The following PTPRT variants were observed in gnomAD, a reference collection of about 807,000 sequenced individuals.
PTPRT encodes the protein protein tyrosine phosphatase receptor type T.
Under a neutral mutation model 176.8 loss-of-function variants are expected in PTPRT, and 56 were observed. That is an observed-to-expected ratio of 0.32 (90% CI 0.26 to 0.40). The LOEUF (loss-of-function observed/expected upper bound fraction) is 0.40, where lower values mean the gene tolerates loss of function less well. Ranked by LOEUF, PTPRT falls within the 10% of genes least tolerant of loss-of-function variation. PTPRT has a pLI of 1.00. For missense variants in PTPRT, 1,540 were observed against 1,908.2 expected, an observed-to-expected ratio of 0.81 and a Z score of 3.60; for synonymous variants, 783 against 739.0, an observed-to-expected ratio of 1.06 and a Z score of -0.96.
intron 15 of PTPRT, among the ~76,000 whole-genome samples, chr20:42,224,384 G>A (rs1019833228): frequency 2.0e-5 from 3 of 152,258 alleles, no homozygotes; most frequent in East Asian, 3.9e-4. Flanking sequence ...TCTAAGGATT[G>A]TCTACCTCAA....
chr20:43,098,454 C>T (rs1232090180), intron 1 of PTPRT, among the ~76,000 whole-genome samples: 1 of 152,134 alleles, frequency 6.6e-6, no homozygotes, highest in African/African-American at 2.4e-5. Flanking sequence ...TTACCCAATC[C>T]CCTAAGAGTG....
At chr20:43,040,965 C>A (rs1426526737) in intron 1 of PTPRT, among the ~76,000 whole-genome samples, 1 of 152,138 alleles carries the variant, frequency 6.6e-6, no homozygotes, top group Non-Finnish European at 1.5e-5. Context: ...TTGTGGCACC[C>A]CGACCAGCAG....
At chr20:42,470,909 A>T (rs2071183097) in intron 8 of PTPRT, among the ~76,000 whole-genome samples, 2 of 147,186 alleles carry the variant, frequency 1.4e-5, no homozygotes, top group African/African-American at 4.9e-5. Flanking sequence ...CATACCCATT[A>T]GAAATGGGGG....
At chr20:42,940,204 G>C (rs191424717) in intron 1 of PTPRT, among the ~76,000 whole-genome samples, 93 of 152,280 alleles carry the variant, frequency 6.1e-4, no homozygotes, top group African/African-American at 2.1e-3. Context: ...ACCTATGGTG[G>C]AGCCAAGATT....
chr20:43,083,351 T>TATATATATATAC lies in PTPRT; in HGVS notation c.88+106294_88+106295insGTATATATATAT, dbSNP rs1555828986. On this transcript the variant is annotated intron_variant, in intron 1 of 30. Coordinates refer to ENST00000373187, the MANE Select transcript of PTPRT (RefSeq NM_007050.6). Reference sequence around the variant, plus strand: ...ATATATATATATATATATATATATATATATATATATATATATATACATTTT... The same window carrying TATATATATATAC: ...ATATATATATATATATATATATATATATATATATATACATATATATATATATATATACATTTT... Among the ~76,000 whole-genome samples, 11 of 114,284 alleles carry TATATATATATAC rather than the reference T, an allele frequency of 9.6e-5. 1 individual carries two copies. Among genetic ancestry groups the TATATATATATAC allele is most frequent in the South Asian group, 6.0e-4 (2 of 3,356 alleles). 75.0% of individuals were successfully genotyped at this position (114,284 alleles called of 152,430 possible).
intron 1 of PTPRT, among the ~76,000 whole-genome samples, chr20:43,142,491 C>A (rs954546346): frequency 2.6e-5 from 4 of 152,194 alleles, no homozygotes; most frequent in African/African-American, 9.6e-5. Flanking sequence ...GGGAAACAGC[C>A]CTGCCTGACC....
chr20:42,660,997 G>A (rs574054913), intron 7 of PTPRT, among the ~76,000 whole-genome samples: 23 of 152,058 alleles, frequency 1.5e-4, no homozygotes, highest in Admixed American at 7.9e-4. Flanking sequence ...GACTACAGAC[G>A]CATGCCACCA....
intron 6 of PTPRT, among the ~76,000 whole-genome samples, chr20:42,720,803 G>A (rs1001055477): frequency 6.6e-6 from 1 of 152,194 alleles, no homozygotes; most frequent in African/African-American, 2.4e-5. Context: ...GCTTGTCATA[G>A]AGGCATAGAA....
At chr20:43,146,059 G>A (rs552458095) in intron 1 of PTPRT, among the ~76,000 whole-genome samples, 6 of 152,302 alleles carry the variant, frequency 3.9e-5, no homozygotes, top group African/African-American at 1.2e-4. Context: ...AAATGAAGTC[G>A]TGGATGTAAC....
chr20:42,337,989 C>T (rs1051635440), intron 11 of PTPRT, among the ~76,000 whole-genome samples: 11 of 152,208 alleles, frequency 7.2e-5, no homozygotes, highest in Non-Finnish European at 1.6e-4. Flanking sequence ...TGAACAGAGC[C>T]TCCCGTGTCA....
At chr20:43,086,345 C>T (rs2011602020) in intron 1 of PTPRT, among the ~76,000 whole-genome samples, 1 of 152,242 alleles carries the variant, frequency 6.6e-6, no homozygotes, top group Non-Finnish European at 1.5e-5. Flanking sequence ...CACCATGACA[C>T]TGCATGTGTA....
intron 6 of PTPRT, among the ~76,000 whole-genome samples, chr20:42,697,961 G>A (rs2075908692): frequency 6.6e-6 from 1 of 152,114 alleles, no homozygotes; most frequent in South Asian, 2.1e-4. Context: ...GAACACACAG[G>A]TTTAATGTAG....
At chr20:42,552,854 G>T (rs139359253) in intron 7 of PTPRT, among the ~76,000 whole-genome samples, 1 of 152,024 alleles carries the variant, frequency 6.6e-6, no homozygotes, top group Non-Finnish European at 1.5e-5. Flanking sequence ...TTCCACTTTG[G>T]GTATCAAAGA....
chr20:42,817,282 G>A (rs1352434243), intron 2 of PTPRT, among the ~76,000 whole-genome samples: 4 of 151,016 alleles, frequency 2.6e-5, no homozygotes, highest in South Asian at 4.2e-4. Flanking sequence ...GGCGGGATCT[G>A]AAAGGCAGAG....
intron 26 of PTPRT, among the ~76,000 whole-genome samples, chr20:42,101,374 G>T (rs1301074277): frequency 6.6e-6 from 1 of 152,172 alleles, no homozygotes; most frequent in Non-Finnish European, 1.5e-5. Flanking sequence ...GTAGTAGATG[G>T]TCCATAGTTC....
intron 6 of PTPRT, among the ~76,000 whole-genome samples, chr20:42,743,394 TA>T (rs2076641161): frequency 6.6e-6 from 1 of 152,160 alleles, no homozygotes; most frequent in Admixed American, 6.5e-5. Context: ...AAAGAAACTT[TA>T]AAGAAGCAAA....
chr20:42,871,945 A>G (rs946939692), intron 2 of PTPRT, among the ~76,000 whole-genome samples: 1 of 152,232 alleles, frequency 6.6e-6, no homozygotes, highest in Non-Finnish European at 1.5e-5. Context: ...CTTGGAAGCT[A>G]TAGGTCTTAT....
intron 2 of PTPRT, among the ~76,000 whole-genome samples, chr20:42,836,889 C>T (rs994331236): frequency 3.3e-5 from 5 of 152,198 alleles, no homozygotes; most frequent in African/African-American, 4.8e-5. Flanking sequence ...CTATTACGTG[C>T]TACCATCCCC....
chr20:42,850,904 T>C (rs208263), intron 2 of PTPRT, among the ~76,000 whole-genome samples: 134,341 of 152,164 alleles, frequency 0.88, 59,454 homozygotes, highest in Non-Finnish European at 0.91. Context: ...AACTCACAGA[T>C]GGGAAAAAAC....
Sources: allele counts gnomAD v4.1 joint callset (sites outside exome capture counted in the v4.1 genomes callset), GRCh38; gene constraint gnomAD v4.1.1; transcripts MANE v1.5; gene names NCBI Gene and HGNC (gene_info 2026-07-23, HGNC 2026-07-21).